Variants in CLSTN1 observed in about 807,000 individuals in gnomAD.
CLSTN1 encodes calsyntenin 1, also known as calsyntenin-1.
CLSTN1 carries 28 observed loss-of-function variants against 108.3 expected under a neutral mutation model. That is an observed-to-expected ratio of 0.26 (90% CI 0.19 to 0.35). The LOEUF (loss-of-function observed/expected upper bound fraction) is 0.35, where lower values mean the gene tolerates loss of function less well. Ranked by LOEUF, CLSTN1 falls within the 10% of genes least tolerant of loss-of-function variation. The probability of loss-of-function intolerance (pLI) is 1.00; values close to 1 mark genes in which losing one functional copy is unlikely to be tolerated. For missense variants in CLSTN1, 1,157 were observed against 1,302.6 expected (o/e 0.89, Z 1.72); for synonymous variants, 524 against 534.9 (o/e 0.98, Z 0.28).
chr1:9,770,150 A>G (rs1291887837), intron 2 of CLSTN1, among the ~76,000 whole-genome samples: 1 of 152,194 alleles, frequency 6.6e-6, no homozygotes, highest in East Asian at 1.9e-4. Flanking sequence ...AAAGGAAAAT[A>G]TTGACTTATC....
intron 3 of CLSTN1, among the ~76,000 whole-genome samples, chr1:9,755,571 G>C (rs1043744843): frequency 6.6e-6 from 1 of 152,148 alleles, no homozygotes; most frequent in African/African-American, 2.4e-5. Context: ...AAAAGAGAGA[G>C]AGAAGAAAAT....
intron 1 of CLSTN1, among the ~76,000 whole-genome samples, chr1:9,781,745 T>C (rs1158556718): frequency 1.3e-5 from 2 of 152,186 alleles, no homozygotes; most frequent in South Asian, 2.1e-4. Context: ...GCCCAGCTTA[T>C]TCACTTTTTT....
chr1:9,808,939 A>T (rs540054259), intron 1 of CLSTN1, among the ~76,000 whole-genome samples: 5 of 151,834 alleles, frequency 3.3e-5, no homozygotes, highest in African/African-American at 9.7e-5. Context: ...ATATAACAGA[A>T]ACTTCAGGAA....
intron 2 of CLSTN1, among the ~76,000 whole-genome samples, chr1:9,771,117 AAT>A (rs1489428082): frequency 6.6e-6 from 1 of 152,210 alleles, no homozygotes; most frequent in Non-Finnish European, 1.5e-5. Flanking sequence ...TGAGGGAGCA[AAT>A]ACACAAGCCT....
rs370758398 is a variant in CLSTN1 at position 9,735,891 on chromosome 1, G to A, written c.1728C>T (p.Gly576=). ...GTCGAGCGCTCGGTGTTACCTGCAC[G>A]CCTCTGCCACTGTCTTCGAGGACCT... ...DLQVLEDSGR[G]VQIQAHPSQL... The change falls in exon 12 of 19, where the codon GGC becomes GGT. Residue 576 remains glycine, a synonymous_variant. Coordinates refer to ENST00000377298, the MANE Select transcript of CLSTN1 (RefSeq NM_001009566.3). 11 of 1,613,964 alleles carry A rather than the reference G, an allele frequency of 6.8e-6. No homozygotes were observed. Among genetic ancestry groups the A allele is most frequent in the African/African-American group, 1.3e-5 (1 of 74,924 alleles).
At chr1:9,822,689 C>T (rs1310275110) in intron 1 of CLSTN1, among the ~76,000 whole-genome samples, 1 of 152,118 alleles carries the variant, frequency 6.6e-6, no homozygotes, top group African/African-American at 2.4e-5. Flanking sequence ...GTAAGCTTTT[C>T]GTTGGCAAGA....
intron 1 of CLSTN1, among the ~76,000 whole-genome samples, chr1:9,812,503 T>C (rs2101324512): frequency 6.6e-6 from 1 of 152,290 alleles, no homozygotes; most frequent in Admixed American, 6.5e-5. Flanking sequence ...AGGGCCAGTT[T>C]CCTGCATGTG....
chr1:9,730,568 G>A lies in CLSTN1; in HGVS notation c.2886C>T (p.Asp962=), dbSNP rs150910188. ...SSEEEEGEQG[D]PQNATRQQQL... ...GCTGCTGCCGGGTTGCGTTCTGGGG[G>A]TCGCCCTGCTCCCCCTCCTCCTCCT... The change falls in exon 19 of 19, where the codon GAC becomes GAT. Residue 962 remains aspartate, a synonymous_variant. Transcript: ENST00000377298. This position sits in a 1 kb window ranked among gnomAD's most constrained non-coding sequence, Gnocchi z 5.6. 1.2e-4 allele frequency: 198 copies of A among 1,608,862 alleles called. No homozygotes were observed. The African/African-American group carries it at 2.3e-3, about 19-fold the overall frequency.
intron 1 of CLSTN1, among the ~76,000 whole-genome samples, chr1:9,795,229 G>A (rs906961110): frequency 2.7e-5 from 4 of 149,418 alleles, no homozygotes; most frequent in Non-Finnish European, 4.4e-5. Flanking sequence ...ACAGTGGCCC[G>A]ATCTCGGCTC....
At position 9,806,740 on chromosome 1, in the gene CLSTN1, G is replaced by A. The variant is rs148878941; in HGVS notation, c.91+16903C>T. 2.8e-3 allele frequency among the ~76,000 whole-genome samples: 423 copies of A among 151,840 alleles called. 15 individuals carry two copies. In the East Asian group the frequency reaches 0.051, roughly 18 times the overall value. ...TAAAAATACAAAAAATTAACCGGGC[G>A]TGGTGGCGGGCACCTGTAGTCCCAG... is the stretch of plus-strand genomic sequence containing the variant. On this transcript the variant is annotated intron_variant, in intron 1 of 18. Transcript: ENST00000377298.
rs959620643 is a variant in CLSTN1 at position 9,779,589 on chromosome 1, A to C, written c.92-6195T>G. On this transcript the variant is annotated intron_variant, in intron 1 of 18. Coordinates refer to ENST00000377298, the MANE Select transcript of CLSTN1 (RefSeq NM_001009566.3). ...AGAGTGAAACTCTGTCTCAAAAAAC[A>C]AAAAAAAAAGTTTTTTTAGTTGAGA... Among the ~76,000 whole-genome samples the C allele has an allele frequency of 3.4e-5, 5 of 149,116 alleles. No homozygotes were observed. In the Admixed American group the frequency reaches 3.4e-4, roughly 10 times the overall value.
intron 5 of CLSTN1, 114 bp from the exon 6 acceptor site, chr1:9,750,027 G>T: frequency 1.2e-6 from 1 of 813,936 alleles, no homozygotes; most frequent in Non-Finnish European, 1.9e-6. Flanking sequence ...TACTCAGCCA[G>T]AAATAAACAT....
chr1:9,810,874 G>A (rs556440718), intron 1 of CLSTN1, among the ~76,000 whole-genome samples: 145 of 152,186 alleles, frequency 9.5e-4, no homozygotes, highest in Non-Finnish European at 1.5e-3. Context: ...ACATACCTCC[G>A]GATCCTCTCT....
intron 1 of CLSTN1, among the ~76,000 whole-genome samples, chr1:9,796,295 CAA>C (rs1326877388): frequency 1.1e-4 from 14 of 121,970 alleles, no homozygotes; most frequent in African/African-American, 3.8e-4. Context: ...CAAAACAAAA[CAA>C]AAAAAAAAAA....
intron 1 of CLSTN1, among the ~76,000 whole-genome samples, chr1:9,822,725 G>A (rs1041905280): frequency 1.3e-5 from 2 of 152,142 alleles, no homozygotes; most frequent in Admixed American, 6.6e-5. Context: ...GGCATGCAAG[G>A]TTTAAAAGGT....
intron 1 of CLSTN1, among the ~76,000 whole-genome samples, chr1:9,798,241 C>T (rs1654102132): frequency 6.6e-6 from 1 of 152,048 alleles, no homozygotes; most frequent in Non-Finnish European, 1.5e-5. Flanking sequence ...CCCAGGTATA[C>T]ATCCAAAAGA....
chr1:9,731,481 G>A, intron 17 of CLSTN1, 91 bp from the exon 18 acceptor site: 3 of 1,363,604 alleles, frequency 2.2e-6, no homozygotes, highest in Non-Finnish European at 3.1e-6. Flanking sequence ...GGTCAAAACG[G>A]GCTGGACAGC....
chr1:9,813,795 A>C (rs762538453), intron 1 of CLSTN1, among the ~76,000 whole-genome samples: 15 of 152,038 alleles, frequency 9.9e-5, no homozygotes, highest in Non-Finnish European at 1.9e-4. Flanking sequence ...TGGTCCTCAA[A>C]AGTACTATAT....
chr1:9,782,201 T>A (rs1057114265), intron 1 of CLSTN1, among the ~76,000 whole-genome samples: 1 of 152,180 alleles, frequency 6.6e-6, no homozygotes, highest in Non-Finnish European at 1.5e-5. Flanking sequence ...TTCTAGAAAC[T>A]TAGATTTTAA....
Sources: allele counts gnomAD v4.1 joint callset (sites outside exome capture counted in the v4.1 genomes callset), GRCh38; gene constraint gnomAD v4.1.1; non-coding constraint Gnocchi (gnomAD v3.1); transcripts MANE v1.5; gene names NCBI Gene and HGNC (gene_info 2026-07-23, HGNC 2026-07-21).